PGD: variants seen among roughly 807,000 people sequenced by gnomAD.
PGD encodes the protein 6-phosphogluconate dehydrogenase, decarboxylating.
A neutral mutation model predicts 60.4 loss-of-function variants in PGD; 21 were observed. The observed-to-expected ratio is 0.35, with a 90% CI of 0.25 to 0.50. The LOEUF is 0.50. Among genes scored for constraint, PGD ranks in the 20% least tolerant of loss-of-function variants. The pLI, the probability that PGD is intolerant of heterozygous loss-of-function variation, is 0.98. For synonymous variants in PGD, 230 were observed against 235.9 expected, an observed-to-expected ratio of 0.97 and a Z score of 0.23; for missense variants, 477 against 613.1, an observed-to-expected ratio of 0.78 and a Z score of 2.34.
chr1:10,418,635 T>C (rs183716440), intron 10 of PGD, among the ~76,000 whole-genome samples, 191 bp from the exon 11 acceptor site: 7 of 152,048 alleles, frequency 4.6e-5, no homozygotes, highest in Admixed American at 2.6e-4. Flanking sequence ...ATTAGCCGGT[T>C]GTAGTGGTGC....
At chr1:10,412,522 G>A (rs1393292097) in intron 7 of PGD, among the ~76,000 whole-genome samples, 2 of 152,134 alleles carry the variant, frequency 1.3e-5, no homozygotes, top group Non-Finnish European at 2.9e-5. Flanking sequence ...CACAGAAACA[G>A]TGCTATTCTT....
intron 8 of PGD, among the ~76,000 whole-genome samples, chr1:10,416,268 G>C (rs185173776): frequency 6.6e-6 from 1 of 152,214 alleles, no homozygotes; most frequent in East Asian, 1.9e-4. Context: ...CATAACAGTG[G>C]TTTCTATCTC....
chr1:10,417,083 G>C lies in PGD; in HGVS notation c.941G>C (p.Gly314Ala), dbSNP rs201224678. 3 of 1,614,002 alleles carry C rather than the reference G, an allele frequency of 1.9e-6. No homozygotes were observed. The Admixed American group carries it at 5.0e-5, about 27-fold the overall frequency. ...GGTCCCCAGAAGTTCCAGTTTGATG[G>C]TGATAAGAAATCATTCCTGGAGGAC... Reference protein sequence around the residue: ...LKGPQKFQFDGDKKSFLEDIR... With the variant: ...LKGPQKFQFDADKKSFLEDIR... The change falls in exon 9 of 13, where the codon GGT becomes GCT. Residue 314 changes from glycine (G) to alanine (A), a missense_variant. By Grantham distance (60) the Gly-to-Ala change is moderately conservative. This residue lies in a region of PGD where 431 missense variants were observed against 556.6 expected (regional missense o/e 0.77). Transcript: ENST00000270776.
chr1:10,402,389 G>A (rs1639329744), intron 3 of PGD, among the ~76,000 whole-genome samples: 1 of 151,762 alleles, frequency 6.6e-6, no homozygotes, highest in African/African-American at 2.4e-5. Context: ...CTTTTAAATA[G>A]TGTGCAGCTC....
At chr1:10,406,113 A>G (rs555069407) in intron 5 of PGD, among the ~76,000 whole-genome samples, 7 of 152,310 alleles carry the variant, frequency 4.6e-5, no homozygotes, top group Middle Eastern at 3.4e-3. Flanking sequence ...TCAGCCTCCC[A>G]AAGTGCTGGG....
chr1:10,417,218 G>A, intron 9 of PGD, 101 bp downstream of exon 9: 1 of 1,478,664 alleles, frequency 6.8e-7, no homozygotes, highest in African/African-American at 1.4e-5. Context: ...GATGGCAGGT[G>A]GAATGAAGTT....
rs185532565 is a variant in PGD at position 10,419,465 on chromosome 1, A to G, written c.1258A>G (p.Met420Val). Residue 420 changes from methionine (M) to valine (V), a missense_variant, in exon 12 of 13, where the codon ATG becomes GTG. Met to Val is a conservative substitution (Grantham distance 21). This residue lies in a region of PGD where 431 missense variants were observed against 556.6 expected (regional missense o/e 0.77). Transcript: ENST00000270776. Reference protein sequence around the residue: ...VSTGVQAGIPMPCFTTALSFY... With the variant: ...VSTGVQAGIPVPCFTTALSFY... ...CACTGGGGTCCAGGCTGGCATTCCC[A>G]TGCCCTGTTTTACCACTGCCCTCTC... 22 of 1,614,128 alleles carry G rather than the reference A, an allele frequency of 1.4e-5. 1 individual carries two copies. The highest frequency in any genetic ancestry group is 1.3e-5 in the African/African-American group (1 of 75,046).
At chr1:10,400,810 C>T (rs538590027) in intron 3 of PGD, among the ~76,000 whole-genome samples, 8 of 152,222 alleles carry the variant, frequency 5.3e-5, no homozygotes, top group African/African-American at 9.6e-5. Flanking sequence ...AACATTAAGG[C>T]GGGGCACAGT....
intron 3 of PGD, among the ~76,000 whole-genome samples, chr1:10,402,680 C>T (rs993207770): frequency 7.9e-5 from 12 of 151,868 alleles, no homozygotes; most frequent in African/African-American, 2.4e-4. Context: ...CCTGCCACAA[C>T]GCCCGGCTAA....
At chr1:10,414,383 T>C (rs373032794) in intron 8 of PGD, among the ~76,000 whole-genome samples, 2 of 152,166 alleles carry the variant, frequency 1.3e-5, no homozygotes, top group African/African-American at 4.8e-5. Flanking sequence ...AGTGTGTTTG[T>C]TTGTTTTTTG....
Position 10,403,056 on chromosome 1 carries a change from G to A in PGD, c.265-15G>A. On this transcript the variant is annotated splice_polypyrimidine_tract_variant and intron_variant, in intron 3 of 12. Transcript: ENST00000270776. ...TTCATTTTTGGTCCATCTTAATGCTGGTGTCTGGTTACAGGTACCATTGTT... is the reference window on the plus strand; with the variant it reads ...TTCATTTTTGGTCCATCTTAATGCTAGTGTCTGGTTACAGGTACCATTGTT... 3 of 1,579,750 alleles carry A rather than the reference G, an allele frequency of 1.9e-6. No homozygotes were observed. The highest frequency in any genetic ancestry group is 2.2e-5 in the South Asian group (2 of 90,294).
At chr1:10,417,871 G>A (rs1459013079) in intron 10 of PGD, among the ~76,000 whole-genome samples, 5 of 152,218 alleles carry the variant, frequency 3.3e-5, no homozygotes, top group East Asian at 1.9e-4. Context: ...CACCATGTCC[G>A]GCTAATTCTT....
At chr1:10,414,072 C>T (rs747320538) in intron 8 of PGD, among the ~76,000 whole-genome samples, 4 of 152,190 alleles carry the variant, frequency 2.6e-5, no homozygotes, top group Non-Finnish European at 2.9e-5. Context: ...AAAAAGTTTG[C>T]GAATAACATA....
chr1:10,419,906 G>A lies in PGD; in HGVS notation c.*157G>A. ...AGACACACAGTTTATTTGTAAAGTAGCTCTGTGAGAGCCACCATGCCCTCT... is the reference window on the plus strand; with the variant it reads ...AGACACACAGTTTATTTGTAAAGTAACTCTGTGAGAGCCACCATGCCCTCT... On this transcript the variant is annotated 3_prime_UTR_variant, in exon 13 of 13. Coordinates refer to ENST00000270776, the MANE Select transcript of PGD (RefSeq NM_002631.4). The A allele has an allele frequency of 1.1e-6, 1 of 877,466 alleles. No individual in the cohort carries two copies. The highest frequency in any genetic ancestry group is 1.7e-6 in the Non-Finnish European group (1 of 571,468). 54.4% of individuals were successfully genotyped at this position (877,466 alleles called of 1,614,324 possible). A position where few individuals can be genotyped will look rare whatever the true frequency, so the allele number is the denominator to read the frequency against.
intron 3 of PGD, among the ~76,000 whole-genome samples, chr1:10,401,095 C>T (rs1192762736): frequency 6.6e-6 from 1 of 152,002 alleles, no homozygotes; most frequent in East Asian, 1.9e-4. Flanking sequence ...ATCCCAGTTA[C>T]TCGGGAGGCT....
rs1639281813 is a variant in PGD, at chr1:10,399,712, G to A, written c.84+8G>A. 1.2e-6 allele frequency: 2 copies of A among 1,613,374 alleles called. 1 individual carries two copies. Among genetic ancestry groups the A allele is most frequent in the South Asian group, 2.2e-5 (2 of 91,078 alleles). On this transcript the variant is annotated splice_region_variant and intron_variant, in intron 2 of 12. Transcript: ENST00000270776. ...AATGACCACGGCTTTGTGGTAAGCG[G>A]CGTGGGCGCGTTGTCTTCTCTCTGG... is the stretch of plus-strand genomic sequence containing the variant.
In PGD at chr1:10,399,091, C is replaced by G; in HGVS notation, c.-27C>G. 2 of 1,609,428 alleles carry G rather than the reference C, an allele frequency of 1.2e-6. No homozygotes were observed. Among genetic ancestry groups the G allele is most frequent in the Admixed American group, 1.7e-5 (1 of 59,992 alleles). On this transcript the variant is annotated 5_prime_UTR_variant, in exon 1 of 13. Transcript: ENST00000270776. Reference sequence around the variant, plus strand: ...CTCACTCGTCCTCCGCGCGTCGCCGCTCTTCGGTTCTGCTCTGTCCGCCGC... The same window carrying G: ...CTCACTCGTCCTCCGCGCGTCGCCGGTCTTCGGTTCTGCTCTGTCCGCCGC...
intron 8 of PGD, among the ~76,000 whole-genome samples, 158 bp from the exon 9 acceptor site, chr1:10,416,829 G>A (rs1221997420): frequency 6.6e-6 from 1 of 152,214 alleles, no homozygotes; most frequent in Admixed American, 6.5e-5. Flanking sequence ...AATGTCATCA[G>A]TAAAGGCAGG....
At chr1:10,403,633 C>A (rs913165864) in intron 4 of PGD, among the ~76,000 whole-genome samples, 3 of 146,158 alleles carry the variant, frequency 2.1e-5, no homozygotes, top group Non-Finnish European at 4.5e-5. Flanking sequence ...GTGAGATTCT[C>A]AGTCACACAT....
Sources: allele counts gnomAD v4.1 joint callset (sites outside exome capture counted in the v4.1 genomes callset), GRCh38; gene constraint gnomAD v4.1.1; regional missense constraint gnomAD v4.1.1; transcripts MANE v1.5; gene names NCBI Gene and HGNC (gene_info 2026-07-23, HGNC 2026-07-21).